MGMT: variants seen among roughly 807,000 people sequenced by gnomAD.
MGMT encodes the protein O-6-methylguanine-DNA methyltransferase.
In MGMT, 14 loss-of-function variants were observed where a neutral mutation model predicts 15.9. That is an observed-to-expected ratio of 0.88 (90% CI 0.58 to 1.37). The LOEUF is 1.37. Ranked by LOEUF, MGMT falls within the 40% of genes most tolerant of loss-of-function variation. The pLI is 0.00. For synonymous variants in MGMT, 130 were observed against 118.2 expected (o/e 1.10, Z -0.65); for missense variants, 282 against 268.1 (o/e 1.05, Z -0.36).
At chr10:129,702,965 A>G (rs1848117225) in intron 2 of MGMT, among the ~76,000 whole-genome samples, 1 of 152,220 alleles carries the variant, frequency 6.6e-6, no homozygotes, top group African/African-American at 2.4e-5. Context: ...CGAGCGCGGC[A>G]GGGAAGGAGG....
chr10:129,547,815 C>T (rs1460295702), intron 2 of MGMT, among the ~76,000 whole-genome samples: 1 of 152,188 alleles, frequency 6.6e-6, no homozygotes. Context: ...CTGAAGCAAG[C>T]CTTCTGCTCA....
rs762183370 is a variant in MGMT at position 129,467,250 on chromosome 10, C to G, written c.-59C>G. 1 of 1,542,216 alleles carries G rather than the reference C, an allele frequency of 6.5e-7. No individual in the cohort carries two copies. The highest frequency in any genetic ancestry group is 8.7e-7 in the Non-Finnish European group (1 of 1,144,894). On this transcript the variant is annotated 5_prime_UTR_variant, in exon 1 of 5. Coordinates refer to ENST00000651593, the MANE Select transcript of MGMT (RefSeq NM_002412.5). ...CAGCCCGCGCCCCTAGAACGCTTTG[C>G]GTCCCGACGCCCGCAGGTCCTCGCG...
In MGMT at chr10:129,632,932, C is replaced by A. The variant is rs576705628; in HGVS notation, c.126-74963C>A. ...TCATCTGAAAATAACTGCTTCATAT[C>A]TCTTGTATCTTAAAATATTTTCTGG... On this transcript the variant is annotated intron_variant, in intron 2 of 4. Transcript: ENST00000651593. Among the ~76,000 whole-genome samples, 26 of 152,278 alleles carry A rather than the reference C, an allele frequency of 1.7e-4. No individual in the cohort carries two copies. In the South Asian group the frequency reaches 5.4e-3, roughly 32 times the overall value.
intron 2 of MGMT, among the ~76,000 whole-genome samples, chr10:129,646,195 C>T (rs1332999739): frequency 6.6e-6 from 1 of 151,486 alleles, no homozygotes; most frequent in Non-Finnish European, 1.5e-5. Context: ...GAGTCCAGTC[C>T]CCAGGACTCT....
chr10:129,661,083 G>C (rs1018725967), intron 2 of MGMT, among the ~76,000 whole-genome samples: 1 of 152,254 alleles, frequency 6.6e-6, no homozygotes, highest in Admixed American at 6.5e-5. Flanking sequence ...AGAGTACATA[G>C]TATATTCTTT....
chr10:129,697,636 G>A (rs774833864), intron 2 of MGMT, among the ~76,000 whole-genome samples: 4 of 152,162 alleles, frequency 2.6e-5, no homozygotes, highest in Non-Finnish European at 4.4e-5. Flanking sequence ...AGCTTACATC[G>A]AGCTGTTTTC....
At chr10:129,693,433 C>T (rs950807603) in intron 2 of MGMT, among the ~76,000 whole-genome samples, 3 of 152,176 alleles carry the variant, frequency 2.0e-5, no homozygotes, top group South Asian at 4.1e-4. Context: ...CAAGTTACCC[C>T]GGTCTAAGCT....
intron 2 of MGMT, among the ~76,000 whole-genome samples, chr10:129,576,104 G>A (rs1846479374): frequency 6.6e-6 from 1 of 152,184 alleles, no homozygotes; most frequent in Non-Finnish European, 1.5e-5. Flanking sequence ...TCTACCAGAG[G>A]TATAAGGAAG....
intron 4 of MGMT, among the ~76,000 whole-genome samples, chr10:129,762,438 C>T (rs967716110): frequency 1.3e-5 from 2 of 152,178 alleles, no homozygotes; most frequent in South Asian, 2.1e-4. Context: ...GAGCTTTCCT[C>T]TATCCTAGGA....
intron 1 of MGMT, among the ~76,000 whole-genome samples, chr10:129,497,289 G>A (rs139120882): frequency 2.0e-5 from 3 of 152,240 alleles, no homozygotes; most frequent in East Asian, 1.9e-4. Flanking sequence ...ACGGAGGGGC[G>A]GTGCACAGCT....
At chr10:129,523,659 ATCTCT>A (rs1209035508) in intron 1 of MGMT, among the ~76,000 whole-genome samples, 3 of 152,172 alleles carry the variant, frequency 2.0e-5, no homozygotes, top group East Asian at 1.9e-4. Context: ...GGACTGTGAA[ATCTCT>A]TCTCTTCTAA....
At chr10:129,761,147 G>A (rs563541668) in intron 4 of MGMT, among the ~76,000 whole-genome samples, 14 of 152,278 alleles carry the variant, frequency 9.2e-5, no homozygotes, top group East Asian at 1.9e-4. Context: ...TTGTGGCTCC[G>A]TGTAGGGCCC....
chr10:129,617,313 C>A (rs572033167), intron 2 of MGMT, among the ~76,000 whole-genome samples: 1 of 152,290 alleles, frequency 6.6e-6, no homozygotes, highest in South Asian at 2.1e-4. Context: ...ACCACATGTT[C>A]TTTATCCAGT....
intron 3 of MGMT, among the ~76,000 whole-genome samples, chr10:129,723,846 T>TG (rs1202476709): frequency 6.6e-6 from 1 of 152,170 alleles, no homozygotes. Flanking sequence ...CATCTGCATA[T>TG]ATCCCAGGGC....
chr10:129,654,641 G>C (rs1589917724), intron 2 of MGMT, among the ~76,000 whole-genome samples: 3 of 152,114 alleles, frequency 2.0e-5, no homozygotes, highest in Admixed American at 2.0e-4. Context: ...GGGCCTGTAT[G>C]GGTGGGTAAG....
chr10:129,479,970 C>A (rs1165419048), intron 1 of MGMT, among the ~76,000 whole-genome samples: 1 of 152,138 alleles, frequency 6.6e-6, no homozygotes, highest in East Asian at 1.9e-4. Context: ...AATATTGATT[C>A]ATTTAGACAA....
intron 2 of MGMT, among the ~76,000 whole-genome samples, chr10:129,567,337 T>A (rs1846367876): frequency 6.6e-6 from 1 of 150,660 alleles, no homozygotes; most frequent in South Asian, 2.2e-4. Context: ...GTCCCCATCA[T>A]AGACCCAGCA....
At chr10:129,688,312 A>G (rs938008654) in intron 2 of MGMT, among the ~76,000 whole-genome samples, 11 of 152,308 alleles carry the variant, frequency 7.2e-5, no homozygotes, top group African/African-American at 1.4e-4. Flanking sequence ...CACCAACAGT[A>G]TTAAAGTGTT....
At chr10:129,687,761 G>T (rs4456176) in intron 2 of MGMT, among the ~76,000 whole-genome samples, 1 of 148,844 alleles carries the variant, frequency 6.7e-6, no homozygotes, top group African/African-American at 2.5e-5. Flanking sequence ...GGTTTGTTAC[G>T]TATGTATACA....
Sources: gnomAD v4.1 joint callset for allele counts (sites outside exome capture counted in the v4.1 genomes callset) on GRCh38, gnomAD v4.1.1 for gene constraint, MANE v1.5 for transcripts, NCBI Gene and HGNC (gene_info 2026-07-23, HGNC 2026-07-21) for gene names.